The following PDE1C variants were observed in gnomAD, a reference collection of about 807,000 sequenced individuals.
The protein encoded by PDE1C is phosphodiesterase 1C.
A neutral mutation model predicts 93.1 loss-of-function variants in PDE1C; 62 were observed. The ratio of observed to expected loss-of-function variants is 0.67; its 90% CI spans 0.54 to 0.82. The LOEUF is 0.82. PDE1C is among the 40% of genes least tolerant of loss of function. PDE1C has a pLI of 0.00. For synonymous variants in PDE1C, 325 were observed against 310.1 expected (o/e 1.05, Z -0.50); for missense variants, 742 against 884.6 (o/e 0.84, Z 2.04).
intron 3 of PDE1C, among the ~76,000 whole-genome samples, chr7:32,111,944 A>G (rs1429836370): frequency 1.3e-5 from 2 of 152,188 alleles, no homozygotes; most frequent in Non-Finnish European, 2.9e-5. Context: ...TCATTTTGGT[A>G]TCTTCACACA....
intron 1 of PDE1C, among the ~76,000 whole-genome samples, chr7:32,216,959 G>A (rs1436342920): frequency 6.6e-6 from 1 of 152,132 alleles, no homozygotes; most frequent in African/African-American, 2.4e-5. Context: ...CAATGGGGGC[G>A]GTCACCCGCC....
chr7:32,396,556 C>T lies in PDE1C; in HGVS notation c.310+31266G>A, dbSNP rs182503651. ...GGAGTGTTGTAATGTCTTCAACTTT[C>T]TTTGAAATGCATGAAAAAATAAGAT... On this transcript the variant is annotated intron_variant, in intron 1 of 1. Coordinates refer to the PDE1C transcript ENST00000672256. 5.3e-4 allele frequency among the ~76,000 whole-genome samples: 80 copies of T among 151,626 alleles called. 2 individuals carry two copies. In the East Asian group the frequency reaches 7.4e-3, roughly 14 times the overall value.
chr7:32,189,367 C>A (rs958971414), intron 2 of PDE1C, among the ~76,000 whole-genome samples: 3 of 152,178 alleles, frequency 2.0e-5, no homozygotes, highest in Non-Finnish European at 2.9e-5. Context: ...TAGAAGACAG[C>A]ATTTTTTAAA....
At chr7:31,831,897 T>A (rs1156690183) in intron 11 of PDE1C, among the ~76,000 whole-genome samples, 1 of 151,908 alleles carries the variant, frequency 6.6e-6, no homozygotes, top group African/African-American at 2.4e-5. Flanking sequence ...AAACAACAGA[T>A]GGGGAATACT....
intron 3 of PDE1C, among the ~76,000 whole-genome samples, chr7:32,121,959 C>T (rs1474513800): frequency 6.6e-6 from 1 of 152,162 alleles, no homozygotes; most frequent in Non-Finnish European, 1.5e-5. Context: ...CATTGGTGTG[C>T]TATATTCAAG....
the PDE1C span, among the ~76,000 whole-genome samples, chr7:31,735,932 T>C: frequency 1.3e-5 from 2 of 152,226 alleles, no homozygotes; most frequent in Non-Finnish European, 2.9e-5. Context: ...ATATAACCTA[T>C]GCACATCCTC....
intron 3 of PDE1C, among the ~76,000 whole-genome samples, chr7:32,113,384 CT>C (rs1480478373): frequency 1.3e-5 from 2 of 148,938 alleles, no homozygotes; most frequent in African/African-American, 2.5e-5. Flanking sequence ...CTCTGTCTGT[CT>C]ACATGTGAAT....
chr7:31,802,674 T>A (rs1479927199), intron 16 of PDE1C, among the ~76,000 whole-genome samples: 1 of 151,386 alleles, frequency 6.6e-6, no homozygotes, highest in Non-Finnish European at 1.5e-5. Context: ...TGAAAAATAT[T>A]TTTGCTAGGC....
chr7:31,811,109 G>A (rs1430042065), intron 15 of PDE1C, among the ~76,000 whole-genome samples: 2 of 152,074 alleles, frequency 1.3e-5, no homozygotes, highest in East Asian at 3.9e-4. Context: ...CAGTGGAAGA[G>A]AATTGAATCA....
intron 1 of PDE1C, among the ~76,000 whole-genome samples, chr7:32,254,205 G>T (rs188721818): frequency 1.2e-4 from 18 of 152,284 alleles, no homozygotes; most frequent in Middle Eastern, 6.8e-3. Context: ...GAGTAGTTCT[G>T]TCCATATGAC....
intron 1 of PDE1C, among the ~76,000 whole-genome samples, chr7:32,384,946 G>A (rs1345391878): frequency 6.6e-6 from 1 of 152,158 alleles, no homozygotes; most frequent in Non-Finnish European, 1.5e-5. Context: ...AGTCACCCTA[G>A]CTAGTTTGGG....
chr7:32,151,226 AC>A (rs1801233949), intron 3 of PDE1C, among the ~76,000 whole-genome samples: 1 of 151,944 alleles, frequency 6.6e-6, no homozygotes, highest in Admixed American at 6.6e-5. Context: ...AACCAGCCCC[AC>A]CCCCACAAAC....
intron 2 of PDE1C, among the ~76,000 whole-genome samples, chr7:31,988,670 G>A (rs1302693336): frequency 6.6e-6 from 1 of 152,120 alleles, no homozygotes; most frequent in Non-Finnish European, 1.5e-5. Context: ...TCAGCCTGGG[G>A]ACAACAGAGT....
intron 2 of PDE1C, among the ~76,000 whole-genome samples, chr7:32,200,476 G>A (rs1278693470): frequency 2.0e-5 from 3 of 152,112 alleles, no homozygotes; most frequent in African/African-American, 4.8e-5. Flanking sequence ...TATGCTAATG[G>A]GTGCATTTTG....
At chr7:31,973,208 C>T (rs1011451672) in intron 2 of PDE1C, among the ~76,000 whole-genome samples, 3 of 152,020 alleles carry the variant, frequency 2.0e-5, no homozygotes, top group Admixed American at 6.6e-5. Flanking sequence ...TAGAAAGAGA[C>T]ACCTGTGGGG....
chr7:32,245,423 C>A (rs1451495016), intron 1 of PDE1C, among the ~76,000 whole-genome samples: 7 of 152,182 alleles, frequency 4.6e-5, no homozygotes, highest in Non-Finnish European at 7.4e-5. Flanking sequence ...TCTAAAGAAG[C>A]AGAATTCATT....
chr7:32,131,951 G>C (rs1799941941), intron 3 of PDE1C, among the ~76,000 whole-genome samples: 1 of 152,124 alleles, frequency 6.6e-6, no homozygotes, highest in South Asian at 2.1e-4. Context: ...ACTAGTAGTA[G>C]TAGTAGTAAT....
chr7:31,870,828 A>C (rs977597087), intron 6 of PDE1C, among the ~76,000 whole-genome samples: 4 of 152,054 alleles, frequency 2.6e-5, no homozygotes, highest in African/African-American at 9.6e-5. Context: ...ACAGGCCACT[A>C]TCCTTGATCA....
intron 1 of PDE1C, among the ~76,000 whole-genome samples, chr7:32,398,311 A>AAAAAG (rs1554317320): frequency 1.3e-5 from 2 of 151,806 alleles, no homozygotes; most frequent in Non-Finnish European, 2.9e-5. Context: ...TCAAAAAAAA[A>AAAAAG]AAAAAGAAAA....
Sources: gnomAD v4.1 joint callset for allele counts (sites outside exome capture counted in the v4.1 genomes callset) on GRCh38, gnomAD v4.1.1 for gene constraint, MANE v1.5 for transcripts, NCBI Gene and HGNC (gene_info 2026-07-23, HGNC 2026-07-21) for gene names.